Variants in TMEM184B observed in about 807,000 individuals in gnomAD.
TMEM184B encodes putative MAPK-activating protein FM08.
Under a neutral mutation model 41.8 loss-of-function variants are expected in TMEM184B, and 17 were observed. The ratio of observed to expected loss-of-function variants is 0.41; its 90% CI spans 0.28 to 0.61. TMEM184B has a LOEUF of 0.61. Among genes scored for constraint, TMEM184B ranks in the 20% least tolerant of loss-of-function variants. The pLI is 0.34. For missense variants in TMEM184B, 393 were observed against 557.8 expected (o/e 0.70, Z 2.98); for synonymous variants, 240 against 229.5 (o/e 1.05, Z -0.41).
Position 38,272,963 on chromosome 22 carries a change from A to G in TMEM184B, c.-138T>C. 3.2e-6 allele frequency: 1 copy of G among 313,674 alleles called. No homozygotes were observed. Among genetic ancestry groups the G allele is most frequent in the Non-Finnish European group, 4.6e-6 (1 of 216,812 alleles). The allele number at this position is 313,674 out of a possible 1,614,324, so 19.4% of individuals were successfully genotyped here. ...CTGCGGGCGGGGCGGGCGGCGCCGC[A>G]GCCCCGGAGTCTCCGCCGCCGCCGG... On this transcript the variant is annotated 5_prime_UTR_variant, in exon 1 of 9. Transcript: ENST00000361906.
chr22:38,261,898 T>G (rs2092373506), intron 1 of TMEM184B, among the ~76,000 whole-genome samples: 1 of 152,252 alleles, frequency 6.6e-6, no homozygotes, highest in African/African-American at 2.4e-5. Flanking sequence ...TGAATTTCAT[T>G]CATGCAAACA....
At chr22:38,249,346 C>T (rs557793482) in intron 1 of TMEM184B, among the ~76,000 whole-genome samples, 62 of 152,226 alleles carry the variant, frequency 4.1e-4, no homozygotes, top group African/African-American at 1.4e-3. Flanking sequence ...ATGGGGGTCT[C>T]CCTATGCTGC....
chr22:38,225,887 C>T lies in TMEM184B; in HGVS notation c.618-294G>A, dbSNP rs1054976984. 1.5e-4 allele frequency among the ~76,000 whole-genome samples: 23 copies of T among 152,086 alleles called. No individual in the cohort carries two copies. The highest frequency in any genetic ancestry group is 2.9e-4 in the Non-Finnish European group (20 of 68,012). ...CCAGTGTGGAAGCCAGGGCCGGGCC[C>T]GAGGCCATAGCCTGACACTCAGATA... On this transcript the variant is annotated intron_variant, in intron 6 of 8. Coordinates refer to ENST00000361906, the MANE Select transcript of TMEM184B (RefSeq NM_012264.5). This position sits in a 1 kb window ranked among gnomAD's most constrained non-coding sequence, Gnocchi z 4.4.
intron 1 of TMEM184B, among the ~76,000 whole-genome samples, chr22:38,249,440 G>A (rs2092114832): frequency 6.6e-6 from 1 of 152,190 alleles, no homozygotes; most frequent in Non-Finnish European, 1.5e-5. Context: ...GTGAGTCACT[G>A]TGCCTGGCCT....
chr22:38,257,138 C>T (rs2092294966), intron 1 of TMEM184B, among the ~76,000 whole-genome samples: 1 of 151,478 alleles, frequency 6.6e-6, no homozygotes, highest in Admixed American at 6.6e-5. Flanking sequence ...TGCACCAAAA[C>T]AATATGTCTG....
At chr22:38,254,135 A>G (rs1048583705) in intron 1 of TMEM184B, among the ~76,000 whole-genome samples, 2 of 142,876 alleles carry the variant, frequency 1.4e-5, no homozygotes, top group African/African-American at 2.5e-5. Flanking sequence ...AGGAAGGCAG[A>G]GGTTGCAGTG....
intron 1 of TMEM184B, among the ~76,000 whole-genome samples, chr22:38,253,299 G>A (rs2092210457): frequency 6.6e-6 from 1 of 152,164 alleles, no homozygotes; most frequent in African/African-American, 2.4e-5. Flanking sequence ...GTTGGGTGCG[G>A]TGGCGAAGAC....
At chr22:38,223,759 G>A in intron 8 of TMEM184B, 1 of 152,682 alleles carries the variant, frequency 6.5e-6, no homozygotes. Flanking sequence ...TCAGTCTCAG[G>A]CATTCCCAGC....
chr22:38,250,195 GC>G (rs1326314473), intron 1 of TMEM184B, among the ~76,000 whole-genome samples: 4 of 152,222 alleles, frequency 2.6e-5, no homozygotes, highest in Non-Finnish European at 4.4e-5. Context: ...CTGCAGCCTG[GC>G]CCCGCGATGC....
intron 1 of TMEM184B, among the ~76,000 whole-genome samples, chr22:38,249,065 C>T (rs893474627): frequency 3.3e-5 from 5 of 152,200 alleles, no homozygotes; most frequent in African/African-American, 9.7e-5. Context: ...CTCGAACACG[C>T]GGGTCTGTCA....
chr22:38,242,230 G>C (rs2091926224), intron 3 of TMEM184B, among the ~76,000 whole-genome samples: 1 of 152,018 alleles, frequency 6.6e-6, no homozygotes, highest in Non-Finnish European at 1.5e-5. Context: ...CACTTTGGGA[G>C]GCCAAGGCGG....
intron 1 of TMEM184B, among the ~76,000 whole-genome samples, chr22:38,256,151 G>A (rs2092274752): frequency 6.6e-6 from 1 of 151,944 alleles, no homozygotes; most frequent in Non-Finnish European, 1.5e-5. Context: ...GGGAGTTTGA[G>A]AACAGCTTGA....
At chr22:38,247,174 C>T (rs986822786) in intron 2 of TMEM184B, among the ~76,000 whole-genome samples, 1 of 152,212 alleles carries the variant, frequency 6.6e-6, no homozygotes, top group African/African-American at 2.4e-5. Flanking sequence ...GCTAGTTCCT[C>T]TCCCCCTCCC....
rs777968266 is a variant in TMEM184B, at chr22:38,247,900, G to C, written c.62C>G (p.Ser21Trp). Reference protein sequence around the residue: ...DPASPTTAAASPSVSVIPEGS... With the variant: ...DPASPTTAAAWPSVSVIPEGS... ...CTCGGGGATCACGGAGACGCTGGGCGAGGCTGCTGCGGTCGTGGGCGACGC... is the reference window on the plus strand; with the variant it reads ...CTCGGGGATCACGGAGACGCTGGGCCAGGCTGCTGCGGTCGTGGGCGACGC... The change falls in exon 2 of 9, where the codon TCG (serine) becomes TGG (tryptophan). Residue 21 changes from serine (S) to tryptophan (W), a missense_variant. By Grantham distance (177) the Ser-to-Trp change is radical (BLOSUM62 -3). Coordinates refer to ENST00000361906, the MANE Select transcript of TMEM184B (RefSeq NM_012264.5). The C allele has an allele frequency of 2.5e-6, 4 of 1,608,914 alleles. No homozygotes were observed. The highest frequency in any genetic ancestry group is 3.4e-6 in the Non-Finnish European group (4 of 1,178,764).
chr22:38,264,683 G>A (rs1003409535), intron 1 of TMEM184B, among the ~76,000 whole-genome samples: 2 of 152,176 alleles, frequency 1.3e-5, no homozygotes, highest in Admixed American at 6.5e-5. Context: ...AAGGCACACC[G>A]AGTATCAAGT....
chr22:38,254,117 C>T (rs931053595), intron 1 of TMEM184B, among the ~76,000 whole-genome samples: 8 of 148,972 alleles, frequency 5.4e-5, no homozygotes, highest in African/African-American at 2.0e-4. Flanking sequence ...AGCAGAATTG[C>T]TTGAACCAGG....
intron 1 of TMEM184B, among the ~76,000 whole-genome samples, chr22:38,266,936 A>G (rs1022541575): frequency 6.6e-6 from 1 of 152,088 alleles, no homozygotes; most frequent in Non-Finnish European, 1.5e-5. Context: ...ACAAAAAATT[A>G]GCCGGGCGCC....
At chr22:38,217,599 G>A (rs540428875), downstream of TMEM184B, among the ~76,000 whole-genome samples, 258 of 151,762 alleles carry the variant, frequency 1.7e-3, 1 homozygote, top group Non-Finnish European at 3.0e-3. Context: ...CTGAGATCGC[G>A]CCACTGGACT....
At chr22:38,228,498 G>A (rs747074828) in intron 5 of TMEM184B, among the ~76,000 whole-genome samples, 1 of 152,188 alleles carries the variant, frequency 6.6e-6, no homozygotes, top group African/African-American at 2.4e-5. Flanking sequence ...TTCCCAGGCT[G>A]GGCTGGACAT....
Sources: allele counts gnomAD v4.1 joint callset (sites outside exome capture counted in the v4.1 genomes callset), GRCh38; gene constraint gnomAD v4.1.1; non-coding constraint Gnocchi (gnomAD v3.1); transcripts MANE v1.5; gene names NCBI Gene and HGNC (gene_info 2026-07-23, HGNC 2026-07-21).